WASHC5: variants seen among roughly 807,000 people sequenced by gnomAD.
The protein encoded by WASHC5 is WASH complex subunit strumpellin.
WASHC5 carries 101 observed loss-of-function variants against 150.4 expected under a neutral mutation model. The ratio of observed to expected loss-of-function variants is 0.67; its 90% CI spans 0.57 to 0.79. The LOEUF is 0.79. Among genes scored for constraint, WASHC5 ranks in the 30% least tolerant of loss-of-function variants. WASHC5 has a pLI of 0.00. For synonymous variants in WASHC5, 467 were observed against 491.2 expected, an observed-to-expected ratio of 0.95 and a Z score of 0.65; for missense variants, 1,195 against 1,396.3, an observed-to-expected ratio of 0.86 and a Z score of 2.30.
chr8:125,031,069 A>G (rs971060744), intron 27 of WASHC5, among the ~76,000 whole-genome samples: 1 of 152,216 alleles, frequency 6.6e-6, no homozygotes, highest in East Asian at 1.9e-4. Context: ...TAATGAGAAC[A>G]AGACTTAGCC....
At chr8:125,043,724 AAAAG>A in intron 23 of WASHC5, 97 bp downstream of exon 23, 1 of 796,320 alleles carries the variant, frequency 1.3e-6, no homozygotes. Flanking sequence ...ATTTAATGAC[AAAAG>A]AAAGAAGAGT....
chr8:125,027,668 T>C (rs960652747), intron 28 of WASHC5, among the ~76,000 whole-genome samples: 1 of 152,208 alleles, frequency 6.6e-6, no homozygotes, highest in African/African-American at 2.4e-5. Flanking sequence ...TGGTGCAGTG[T>C]ATACTGCTCA....
At chr8:125,075,231 C>T (rs1454635858) in intron 7 of WASHC5, 120 bp from the exon 8 acceptor site, 5 of 710,518 alleles carry the variant, frequency 7.0e-6, no homozygotes, top group Non-Finnish European at 1.3e-5. Context: ...CAATGAAAAA[C>T]CAAGATTTTC....
chr8:125,037,926 C>T (rs1435364768), intron 25 of WASHC5, among the ~76,000 whole-genome samples: 6 of 152,140 alleles, frequency 3.9e-5, no homozygotes, highest in Non-Finnish European at 1.5e-5. Context: ...GCCAGCTGGC[C>T]GATTCCATAG....
chr8:125,085,878 C>T (rs915668536), intron 1 of WASHC5, among the ~76,000 whole-genome samples: 6 of 152,220 alleles, frequency 3.9e-5, no homozygotes, highest in East Asian at 1.9e-4. Flanking sequence ...CTCCTTCTTA[C>T]ATTCCCCTCT....
chr8:125,042,757 A>G (rs111279263), intron 23 of WASHC5, among the ~76,000 whole-genome samples: 4,835 of 152,200 alleles, frequency 0.032, 124 homozygotes, highest in Middle Eastern at 0.082. Context: ...AGCGCTTAAT[A>G]TCTGACAATC....
chr8:125,038,841 G>T lies in WASHC5; in HGVS notation c.3073C>A (p.Pro1025Thr). Residue 1025 changes from proline (P) to threonine (T), a missense_variant, in exon 25 of 29, where the codon CCA (proline) becomes ACA (threonine). Transcript: ENST00000318410. ...AYLEAAGIHN[P>T]LNKIYITTKR... The stretch of plus-strand genomic sequence containing the variant: ...TTTTAATTACTCACCTTATTCAGTG[G>T]GTTGTGAATGCCAGCTGCCTCCAGA... 6.2e-7 allele frequency: 1 copy of T among 1,613,960 alleles called. No homozygotes were observed. Among genetic ancestry groups the T allele is most frequent in the Non-Finnish European group, 8.5e-7 (1 of 1,179,894 alleles).
Position 125,037,328 on chromosome 8 carries a change from G to A in WASHC5, c.3090C>T (p.Tyr1030=). 3.2e-6 allele frequency: 5 copies of A among 1,585,944 alleles called. No individual in the cohort carries two copies. The highest frequency in any genetic ancestry group is 3.5e-6 in the Non-Finnish European group (4 of 1,154,588). Residue 1030 remains tyrosine (Y), a synonymous_variant, in exon 26 of 29, where the codon TAC becomes TAT. Coordinates refer to ENST00000318410, the MANE Select transcript of WASHC5 (RefSeq NM_014846.4). The part of the protein sequence containing the change: ...AGIHNPLNKI[Y]ITTKRLPYFP... ...AATAGGGTAAGCGCTTTGTTGTTAT[G>A]TATATCTGGAAAGAGAAAGGTAAGA...
In WASHC5 at chr8:125,073,257, T is replaced by C. The variant is rs1182621910; in HGVS notation, c.1046A>G (p.Tyr349Cys). ...GTCCAGAACCATCTCCTCCCTTAAATAACCTTCTTTTAGAAATTGCTGCAC... is the reference window on the plus strand; with the variant it reads ...GTCCAGAACCATCTCCTCCCTTAAACAACCTTCTTTTAGAAATTGCTGCAC... Reference protein sequence around the residue: ...AQVQQFLKEGYLREEMVLDNI... With the variant: ...AQVQQFLKEGCLREEMVLDNI... The change falls in exon 9 of 29, where the codon TAT (tyrosine) becomes TGT (cysteine). Residue 349 changes from tyrosine (Y) to cysteine (C), a missense_variant. Around this residue, in one of 3 missense-constraint regions of WASHC5, gnomAD observed 997 missense variants for 1,168.1 expected, o/e 0.85. Transcript: ENST00000318410. 3 of 1,614,076 alleles carry C rather than the reference T, an allele frequency of 1.9e-6. No homozygotes were observed. Among genetic ancestry groups the C allele is most frequent in the East Asian group, 2.2e-5 (1 of 44,880 alleles).
At chr8:125,046,661 A>G (rs1460565091) in intron 20 of WASHC5, among the ~76,000 whole-genome samples, 1 of 152,202 alleles carries the variant, frequency 6.6e-6, no homozygotes, top group African/African-American at 2.4e-5. Context: ...ATTGCTGTAA[A>G]TGGGTTAATG....
chr8:125,044,486 G>C, intron 21 of WASHC5, 50 bp downstream of exon 21: 1 of 1,599,222 alleles, frequency 6.3e-7, no homozygotes, highest in African/African-American at 1.3e-5. Context: ...ATATGTTCTT[G>C]CCTCTCCCCC....
chr8:125,067,297 C>A (rs1209057844), intron 10 of WASHC5, among the ~76,000 whole-genome samples: 1 of 152,170 alleles, frequency 6.6e-6, no homozygotes, highest in Non-Finnish European at 1.5e-5. Context: ...GGATTACAGG[C>A]ATGAGCCACT....
Position 125,061,176 on chromosome 8 carries a change from A to T in WASHC5, c.1427T>A (p.Phe476Tyr). 6.2e-7 allele frequency: 1 copy of T among 1,602,014 alleles called. No individual in the cohort carries two copies. The highest frequency in any genetic ancestry group is 8.6e-7 in the Non-Finnish European group (1 of 1,169,232). The change falls in exon 12 of 29, where the codon TTC becomes TAC. Residue 476 changes from phenylalanine to tyrosine, a missense_variant. Coordinates refer to ENST00000318410, the MANE Select transcript of WASHC5 (RefSeq NM_014846.4). ...VEKNENLQAW[F>Y]REISKQILSL... ...CAATATTTGTTTTGAGATCTCTCTG[A>T]ACCAAGCTTGAAGGTTTTCTAGTAA...
rs1363578069 is a variant in WASHC5 at position 125,028,718 on chromosome 8, G to C, written c.3336-11C>G. ...TCAGGTATCTTCTGGCTGTGATAGA[G>C]AACAGTTTAGATCAATTAACTGCTT... On this transcript the variant is annotated splice_polypyrimidine_tract_variant and intron_variant, in intron 27 of 28. Coordinates refer to ENST00000318410, the MANE Select transcript of WASHC5 (RefSeq NM_014846.4). The C allele has an allele frequency of 5.0e-6, 8 of 1,591,054 alleles. No individual in the cohort carries two copies. The Admixed American group carries it at 1.3e-4, about 27-fold the overall frequency.
rs184557946 is a variant in WASHC5 at position 125,059,475 on chromosome 8, A to G, written c.1589T>C (p.Phe530Ser). 1.6e-5 allele frequency: 26 copies of G among 1,614,030 alleles called. No individual in the cohort carries two copies. In the Admixed American group the frequency reaches 3.8e-4, roughly 24 times the overall value. Residue 530 changes from phenylalanine (F) to serine (S), a missense_variant, in exon 13 of 29, where the codon TTT becomes TCT. Phe to Ser is a radical substitution (Grantham distance 155). This residue lies in a region of WASHC5 where 997 missense variants were observed against 1,168.1 expected (regional missense o/e 0.85). Transcript: ENST00000318410. ...AATGGTTCTGATCATTTGATGAAGA[A>G]ACTTTCGAGTATCGGCAAGAAACTG... ...VCQFLADTRK[F>S]LHQMIRTINI...
chr8:125,053,902 G>T (rs1278534929), intron 17 of WASHC5, among the ~76,000 whole-genome samples: 2 of 152,200 alleles, frequency 1.3e-5, no homozygotes, highest in Non-Finnish European at 2.9e-5. Context: ...AAGTATTGGT[G>T]AAGATATAAG....
intron 10 of WASHC5, among the ~76,000 whole-genome samples, chr8:125,064,164 T>G (rs1816683039): frequency 6.6e-6 from 1 of 152,102 alleles, no homozygotes; most frequent in South Asian, 2.1e-4. Flanking sequence ...TTTTATTTAT[T>G]TATTTATTAT....
chr8:125,055,749 TG>T, intron 16 of WASHC5, 78 bp from the exon 17 acceptor site: 2 of 932,010 alleles, frequency 2.1e-6, no homozygotes, highest in Non-Finnish European at 3.6e-6. Flanking sequence ...GAAAAGAACT[TG>T]TAGCTTTAGG....
intron 5 of WASHC5, among the ~76,000 whole-genome samples, chr8:125,079,453 A>C (rs1563634759): frequency 6.6e-6 from 1 of 151,968 alleles, no homozygotes; most frequent in Non-Finnish European, 1.5e-5. Flanking sequence ...GTCCTCCCAA[A>C]GTGCTGGGAT....
Sources: allele counts gnomAD v4.1 joint callset (sites outside exome capture counted in the v4.1 genomes callset), GRCh38; gene constraint gnomAD v4.1.1; regional missense constraint gnomAD v4.1.1; transcripts MANE v1.5; gene names NCBI Gene and HGNC (gene_info 2026-07-23, HGNC 2026-07-21).